The following ASPRV1 variants were observed in gnomAD, a reference collection of about 807,000 sequenced individuals.
ASPRV1 encodes retroviral-like aspartic protease 1.
A neutral mutation model predicts 11.0 loss-of-function variants in ASPRV1; 7 were observed. That is an observed-to-expected ratio of 0.64 (90% CI 0.36 to 1.20). The LOEUF (loss-of-function observed/expected upper bound fraction) is 1.20, where lower values mean the gene tolerates loss of function less well. Ranked by LOEUF, ASPRV1 falls within the 50% of genes most tolerant of loss-of-function variation. The pLI is 0.02. For synonymous variants in ASPRV1, 136 were observed against 138.4 expected (o/e 0.98, Z 0.12); for missense variants, 299 against 320.0 (o/e 0.93, Z 0.50).
chr2:70,036,953 AAGG>A, the ASPRV1 span, among the ~76,000 whole-genome samples: 2 of 152,146 alleles, frequency 1.3e-5, no homozygotes, highest in African/African-American at 2.4e-5. Flanking sequence ...AGTCTCTCTC[AAGG>A]AGACTTCTGG....
upstream of ASPRV1, chr2:69,961,857 C>T (rs1030717928): frequency 7.8e-6 from 5 of 640,042 alleles, no homozygotes; most frequent in Admixed American, 2.8e-5. Context: ...ACCCTGTACC[C>T]TCCCTGGCCT....
At chr2:69,959,548 T>C (rs1407461639), downstream of ASPRV1, among the ~76,000 whole-genome samples, 1 of 151,920 alleles carries the variant, frequency 6.6e-6, no homozygotes, top group African/African-American at 2.4e-5. Context: ...GTCATCTAGT[T>C]TCAGGCTCTG....
chr2:70,003,930 A>G, the ASPRV1 span, among the ~76,000 whole-genome samples: 473 of 152,278 alleles, frequency 3.1e-3, 3 homozygotes, highest in Non-Finnish European at 5.5e-3. Context: ...GGGCTGACGC[A>G]GCAAAGCCCC....
At chr2:69,974,034 G>A in the ASPRV1 span, among the ~76,000 whole-genome samples, 1 of 152,110 alleles carries the variant, frequency 6.6e-6, no homozygotes, top group Admixed American at 6.6e-5. Context: ...AAAGAATAAA[G>A]AATAATAAAA....
chr2:70,028,741 A>T, the ASPRV1 span: 1 of 152,234 alleles, frequency 6.6e-6, no homozygotes, highest in Non-Finnish European at 1.5e-5. Flanking sequence ...TCCCTTGCGC[A>T]TGTATACTTT....
chr2:70,013,901 C>CA, the ASPRV1 span, among the ~76,000 whole-genome samples: 122 of 152,092 alleles, frequency 8.0e-4, no homozygotes, highest in African/African-American at 2.7e-3. Flanking sequence ...AACAAACAAA[C>CA]AAAAAAACAG....
At chr2:69,938,568 A>C in the ASPRV1 span, 10 of 327,956 alleles carry the variant, frequency 3.0e-5, no homozygotes, top group Admixed American at 4.1e-4. Flanking sequence ...CAATGTCCAC[A>C]TCTCAGCAAT....
chr2:70,053,519 A>T, the ASPRV1 span, among the ~76,000 whole-genome samples: 4 of 152,246 alleles, frequency 2.6e-5, no homozygotes, highest in Non-Finnish European at 5.9e-5. Context: ...AAAAAAGTAA[A>T]ATCACTTTTA....
chr2:69,981,591 CTGTTA>C, the ASPRV1 span, among the ~76,000 whole-genome samples: 1 of 152,214 alleles, frequency 6.6e-6, no homozygotes, highest in Admixed American at 6.5e-5. Flanking sequence ...GAGTCTTACT[CTGTTA>C]CCCAGGCTGG....
chr2:70,065,293 A>C, the ASPRV1 span, among the ~76,000 whole-genome samples: 2 of 147,386 alleles, frequency 1.4e-5, no homozygotes, highest in East Asian at 4.1e-4. Context: ...CAGGAGGCTG[A>C]GGCAGAAGAA....
At chr2:69,940,909 T>G in the ASPRV1 span, 1 of 152,690 alleles carries the variant, frequency 6.5e-6, no homozygotes, top group Non-Finnish European at 1.5e-5. Flanking sequence ...GCAGCCCTGA[T>G]TCGCCAATTT....
the ASPRV1 span, among the ~76,000 whole-genome samples, chr2:69,944,359 C>A: frequency 6.6e-6 from 1 of 152,220 alleles, no homozygotes; most frequent in East Asian, 1.9e-4. Context: ...CATGTCATAA[C>A]GAGGGTCAGC....
the ASPRV1 span, among the ~76,000 whole-genome samples, chr2:70,039,835 C>T: frequency 6.6e-6 from 1 of 152,158 alleles, no homozygotes; most frequent in African/African-American, 2.4e-5. Flanking sequence ...AAGAAAGAAC[C>T]ACATCCTAAA....
the ASPRV1 span, among the ~76,000 whole-genome samples, chr2:70,007,535 A>C: frequency 6.6e-6 from 1 of 151,998 alleles, no homozygotes; most frequent in Admixed American, 6.6e-5. Context: ...AAAAAGAACT[A>C]TATCTACTTA....
chr2:70,068,725 G>T, the ASPRV1 span, among the ~76,000 whole-genome samples: 1 of 151,740 alleles, frequency 6.6e-6, no homozygotes, highest in Non-Finnish European at 1.5e-5. Flanking sequence ...ACTCAGGTCG[G>T]GAGTTCGAGA....
the ASPRV1 span, among the ~76,000 whole-genome samples, chr2:70,076,458 C>T: frequency 6.6e-5 from 10 of 152,300 alleles, no homozygotes; most frequent in South Asian, 1.0e-3. Flanking sequence ...TTTCTATGTG[C>T]CAAGCACTAT....
At chr2:69,971,790 G>C in the ASPRV1 span, among the ~76,000 whole-genome samples, 1 of 152,166 alleles carries the variant, frequency 6.6e-6, no homozygotes, top group Admixed American at 6.5e-5. Flanking sequence ...ATCATCTGGG[G>C]GAGCTTTGCT....
chr2:70,079,421 T>A, the ASPRV1 span, among the ~76,000 whole-genome samples: 1 of 152,092 alleles, frequency 6.6e-6, no homozygotes, highest in Admixed American at 6.6e-5. Context: ...TACAGTCAAC[T>A]ATTATCATGC....
the ASPRV1 span, among the ~76,000 whole-genome samples, chr2:69,992,841 G>A: frequency 2.6e-5 from 4 of 152,208 alleles, no homozygotes; most frequent in Non-Finnish European, 5.9e-5. Flanking sequence ...ACAATAGGAT[G>A]TGCAATGCAT....
Sources: allele counts gnomAD v4.1 joint callset (sites outside exome capture counted in the v4.1 genomes callset), GRCh38; gene constraint gnomAD v4.1.1; transcripts MANE v1.5; gene names NCBI Gene and HGNC (gene_info 2026-07-23, HGNC 2026-07-21).